The following DNAJC1 variants were observed in gnomAD, a reference collection of about 807,000 sequenced individuals.
DNAJC1 encodes DnaJ heat shock protein family (Hsp40) member C1.
A neutral mutation model predicts 76.6 loss-of-function variants in DNAJC1; 58 were observed. That is an observed-to-expected ratio of 0.76 (90% confidence interval 0.61 to 0.94). The LOEUF (loss-of-function observed/expected upper bound fraction) is 0.94. DNAJC1 is among the 40% of genes least tolerant of loss of function. DNAJC1 has a pLI of 0.00. For synonymous variants in DNAJC1, 258 were observed against 267.9 expected, an observed-to-expected ratio of 0.96 and a Z score of 0.36; for missense variants, 689 against 677.3, an observed-to-expected ratio of 1.02 and a Z score of -0.19.
intron 8 of DNAJC1, among the ~76,000 whole-genome samples, chr10:21,830,912 G>T (rs1427274501): frequency 6.6e-6 from 1 of 151,894 alleles, no homozygotes; most frequent in African/African-American, 2.4e-5. Flanking sequence ...TTCATATCCT[G>T]TCATGTTCTT....
At chr10:21,868,267 G>C (rs1163710169) in intron 8 of DNAJC1, among the ~76,000 whole-genome samples, 4 of 151,178 alleles carry the variant, frequency 2.6e-5, no homozygotes, top group South Asian at 2.1e-4. Context: ...TGGGCTTACA[G>C]ACATGCACCA....
chr10:21,920,970 T>C lies in DNAJC1; in HGVS notation c.372-7A>G, dbSNP rs1402600917. On this transcript the variant is annotated splice_region_variant and splice_polypyrimidine_tract_variant and intron_variant, in intron 3 of 11. Transcript: ENST00000376980. ...GATCAGAATATCATCATACCTACAG[T>C]ACAAATATAACAGTTTTTCACGGGG... is the stretch of plus-strand genomic sequence containing the variant. The C allele has an allele frequency of 1.9e-6, 3 of 1,561,856 alleles. No homozygotes were observed. The highest frequency in any genetic ancestry group is 2.3e-5 in the East Asian group (1 of 43,506).
intron 7 of DNAJC1, among the ~76,000 whole-genome samples, chr10:21,891,532 T>C (rs542935599): frequency 4.0e-5 from 6 of 148,850 alleles, no homozygotes. Context: ...CTGGGAAGTT[T>C]TGGGACTCTG....
chr10:21,886,532 A>G (rs1836368642), intron 7 of DNAJC1, among the ~76,000 whole-genome samples: 1 of 152,146 alleles, frequency 6.6e-6, no homozygotes, highest in South Asian at 2.1e-4. Context: ...ACAACAAAAA[A>G]ACTTCAGTTC....
At chr10:21,795,970 CTTTT>C (rs528288634) in intron 9 of DNAJC1, among the ~76,000 whole-genome samples, 82 of 132,868 alleles carry the variant, frequency 6.2e-4, no homozygotes, top group Admixed American at 9.9e-4. Flanking sequence ...GGGATTTCCG[CTTTT>C]TTTTTTTTTT....
chr10:21,938,914 C>T (rs1041664261), intron 1 of DNAJC1, among the ~76,000 whole-genome samples: 4 of 152,012 alleles, frequency 2.6e-5, no homozygotes, highest in Non-Finnish European at 5.9e-5. Context: ...TTGTTTGAGA[C>T]GGAGTCTCGC....
intron 9 of DNAJC1, among the ~76,000 whole-genome samples, chr10:21,778,646 T>C (rs7896281): frequency 0.038 from 5,725 of 152,270 alleles, 188 homozygotes; most frequent in African/African-American, 0.077. Flanking sequence ...GGAACAGCTC[T>C]AGTCTACAGC....
chr10:21,951,388 G>C (rs1837592716), intron 1 of DNAJC1, among the ~76,000 whole-genome samples: 1 of 151,696 alleles, frequency 6.6e-6, no homozygotes, highest in African/African-American at 2.4e-5. Context: ...CAATATACTG[G>C]TTAAAAAAGC....
intron 8 of DNAJC1, among the ~76,000 whole-genome samples, chr10:21,807,600 G>C (rs1970468): frequency 0.99 from 151,011 of 152,354 alleles, 74,892 homozygotes; most frequent in Middle Eastern, 1. Context: ...AAGAATGTTC[G>C]CTGAAGCAGA....
Position 21,929,157 on chromosome 10 carries a change from GGA to G in DNAJC1, c.223-18_223-17del. On this transcript the variant is annotated splice_polypyrimidine_tract_variant and intron_variant, in intron 1 of 11. Coordinates refer to ENST00000376980, the MANE Select transcript of DNAJC1 (RefSeq NM_022365.4). Reference sequence around the variant, plus strand: ...ATGATGCATCCTGGAGGTGGTAGGGGGAGGGGAAAATACAAAGCAAACTTTGT... The same window carrying G: ...ATGATGCATCCTGGAGGTGGTAGGGGGGGGAAAATACAAAGCAAACTTTGT... The G allele has an allele frequency of 6.4e-7, 1 of 1,570,474 alleles. No individual in the cohort carries two copies. The highest frequency in any genetic ancestry group is 1.8e-5 in the Admixed American group (1 of 56,562).
intron 8 of DNAJC1, among the ~76,000 whole-genome samples, chr10:21,879,844 G>A (rs1836244959): frequency 6.6e-6 from 1 of 152,126 alleles, no homozygotes; most frequent in African/African-American, 2.4e-5. Context: ...GACTCACTGG[G>A]GTGGTGGTTG....
chr10:21,903,029 G>A (rs1191304584), intron 7 of DNAJC1, among the ~76,000 whole-genome samples: 4 of 152,114 alleles, frequency 2.6e-5, no homozygotes, highest in Non-Finnish European at 5.9e-5. Context: ...CCAGGTTCAA[G>A]TGATTCTCCT....
chr10:21,920,773 C>T (rs1056505229), intron 4 of DNAJC1, 25 bp downstream of exon 4: 2 of 1,571,142 alleles, frequency 1.3e-6, no homozygotes, highest in Non-Finnish European at 1.7e-6. Flanking sequence ...GAGGCTAGTT[C>T]ATTTGATTTA....
chr10:21,872,578 A>T (rs2093489505), intron 8 of DNAJC1, among the ~76,000 whole-genome samples: 1 of 152,240 alleles, frequency 6.6e-6, no homozygotes. Flanking sequence ...GCAGGAAATG[A>T]AAGAATCAGC....
At chr10:21,774,380 A>C (rs1834427791) in intron 9 of DNAJC1, among the ~76,000 whole-genome samples, 1 of 152,214 alleles carries the variant, frequency 6.6e-6, no homozygotes, top group African/African-American at 2.4e-5. Context: ...GTGACCTCAG[A>C]ATCTCATAAC....
intron 1 of DNAJC1, among the ~76,000 whole-genome samples, chr10:21,972,618 AGAGTAACACTG>A (rs1296687259): frequency 6.6e-6 from 1 of 152,064 alleles, no homozygotes; most frequent in Non-Finnish European, 1.5e-5. Flanking sequence ...TTTTCCCTTA[AGAGTAACACTG>A]GTTGTTAAAT....
intron 1 of DNAJC1, among the ~76,000 whole-genome samples, chr10:21,996,405 T>C (rs1027099050): frequency 6.6e-6 from 1 of 152,242 alleles, no homozygotes; most frequent in Non-Finnish European, 1.5e-5. Flanking sequence ...ACAACTGCCA[T>C]ATAAATTCTC....
chr10:21,992,656 T>G (rs1227297783), intron 1 of DNAJC1, among the ~76,000 whole-genome samples: 1 of 152,228 alleles, frequency 6.6e-6, no homozygotes, highest in Non-Finnish European at 1.5e-5. Context: ...TATTGCACAG[T>G]GCTGCTCTAA....
chr10:21,887,894 A>C (rs1836393746), intron 7 of DNAJC1, among the ~76,000 whole-genome samples: 1 of 152,206 alleles, frequency 6.6e-6, no homozygotes, highest in Non-Finnish European at 1.5e-5. Context: ...ACTGAGATTT[A>C]AACTTAAGAG....
Sources: gnomAD v4.1 joint callset for allele counts (sites outside exome capture counted in the v4.1 genomes callset) on GRCh38, gnomAD v4.1.1 for gene constraint, MANE v1.5 for transcripts, NCBI Gene and HGNC (gene_info 2026-07-23, HGNC 2026-07-21) for gene names.